BCKDHB: variants seen among roughly 807,000 people sequenced by gnomAD.
The protein encoded by BCKDHB is 2-oxoisovalerate dehydrogenase subunit beta, mitochondrial.
A neutral mutation model predicts 48.5 loss-of-function variants in BCKDHB; 41 were observed. The observed-to-expected ratio is 0.85, with a 90% CI of 0.66 to 1.10. The LOEUF is 1.10. Ranked by LOEUF, BCKDHB falls within the 50% of genes least tolerant of loss-of-function variation. BCKDHB has a pLI of 0.00. For synonymous variants in BCKDHB, 201 were observed against 174.8 expected (o/e 1.15, Z -1.18); for missense variants, 496 against 494.2 (o/e 1.00, Z -0.03).
At chr6:80,381,908 TAAAACCTAAAACCTA>T in the BCKDHB span, among the ~76,000 whole-genome samples, 7 of 152,070 alleles carry the variant, frequency 4.6e-5, no homozygotes, top group African/African-American at 1.7e-4. Flanking sequence ...AAAACCTGAT[TAAAACCTAAAACCTA>T]AAACGGTAAA....
intron 8 of BCKDHB, among the ~76,000 whole-genome samples, chr6:80,219,496 C>T (rs1314025769): frequency 2.0e-5 from 3 of 152,072 alleles, no homozygotes; most frequent in Admixed American, 6.5e-5. Context: ...CATAAGCCAC[C>T]GCACCCAGGG....
At chr6:80,409,745 C>T in the BCKDHB span, among the ~76,000 whole-genome samples, 2 of 150,654 alleles carry the variant, frequency 1.3e-5, no homozygotes, top group Non-Finnish European at 3.0e-5. Context: ...AGGATTGCAA[C>T]CCCTGCTGCT....
chr6:80,367,275 A>T, the BCKDHB span, among the ~76,000 whole-genome samples: 1 of 152,082 alleles, frequency 6.6e-6, no homozygotes, highest in South Asian at 2.1e-4. Flanking sequence ...GAAAAAATAA[A>T]ATTTTTAATT....
At chr6:80,152,819 C>T (rs1771856661) in intron 3 of BCKDHB, among the ~76,000 whole-genome samples, 1 of 152,182 alleles carries the variant, frequency 6.6e-6, no homozygotes, top group Non-Finnish European at 1.5e-5. Flanking sequence ...CTTTGTGGAT[C>T]ATCATGTCTG....
intron 9 of BCKDHB, among the ~76,000 whole-genome samples, chr6:80,327,252 G>T (rs1769078017): frequency 6.6e-6 from 1 of 152,150 alleles, no homozygotes; most frequent in Non-Finnish European, 1.5e-5. Flanking sequence ...TTAGCCTACA[G>T]TTGGGCAAAA....
chr6:80,244,115 C>T lies in BCKDHB; in HGVS notation c.952-29020C>T, dbSNP rs550850576. Among the ~76,000 whole-genome samples the T allele has an allele frequency of 2.0e-5, 3 of 152,164 alleles. No individual in the cohort carries two copies. In the South Asian group the frequency reaches 6.2e-4, roughly 32 times the overall value. On this transcript the variant is annotated intron_variant, in intron 8 of 9. Coordinates refer to ENST00000320393, the MANE Select transcript of BCKDHB (RefSeq NM_183050.4). Reference sequence around the variant, plus strand: ...CCACTGGGTTTTTAATGTTAGGAAACTGATTGGGAAACATGTTAAGTATTG... The same window carrying T: ...CCACTGGGTTTTTAATGTTAGGAAATTGATTGGGAAACATGTTAAGTATTG...
intron 9 of BCKDHB, among the ~76,000 whole-genome samples, chr6:80,322,652 A>T (rs1768797559): frequency 6.6e-6 from 1 of 152,162 alleles, no homozygotes; most frequent in South Asian, 2.1e-4. Context: ...AGCAAAATTA[A>T]TGGGAAGTAT....
the BCKDHB span, among the ~76,000 whole-genome samples, chr6:80,433,235 G>A: frequency 1.3e-5 from 2 of 152,100 alleles, no homozygotes; most frequent in Non-Finnish European, 2.9e-5. Flanking sequence ...AGGCGGGGAC[G>A]TATAAGTCTG....
At chr6:80,307,244 A>G (rs1767926372) in intron 9 of BCKDHB, among the ~76,000 whole-genome samples, 1 of 152,234 alleles carries the variant, frequency 6.6e-6, no homozygotes, top group South Asian at 2.1e-4. Flanking sequence ...ATGTATAAAT[A>G]TAAATCTCAA....
the BCKDHB span, among the ~76,000 whole-genome samples, chr6:80,364,400 G>T: frequency 6.6e-6 from 1 of 152,152 alleles, no homozygotes; most frequent in Non-Finnish European, 1.5e-5. Context: ...GCATTTGGCC[G>T]GGAGGGAGAG....
chr6:80,332,299 T>G (rs1453673947), intron 9 of BCKDHB, among the ~76,000 whole-genome samples: 1 of 152,352 alleles, frequency 6.6e-6, no homozygotes, highest in African/African-American at 2.4e-5. Context: ...ACTGCACTTG[T>G]ATTTACATTT....
intron 1 of BCKDHB, among the ~76,000 whole-genome samples, chr6:80,123,656 C>G (rs1770171619): frequency 6.6e-6 from 1 of 152,190 alleles, no homozygotes; most frequent in African/African-American, 2.4e-5. Flanking sequence ...TCCATTTCTT[C>G]TAGATTTTCT....
chr6:80,325,616 G>A (rs887208111), intron 9 of BCKDHB, among the ~76,000 whole-genome samples: 1 of 152,178 alleles, frequency 6.6e-6, no homozygotes, highest in Non-Finnish European at 1.5e-5. Context: ...TCCATTTGAT[G>A]GTGGTGATCA....
chr6:80,127,560 A>C lies in BCKDHB; in HGVS notation c.210A>C (p.Lys70Asn). ...TGATTTTCACAGGGCAAACTCAGAA[A>C]ATGAATCTTTTCCAGTCTGTAACAA... ...PEPREYGQTQ[K>N]MNLFQSVTSA... is the part of the protein sequence containing the mutation. The change falls in exon 2 of 10, where the codon AAA becomes AAC. Residue 70 changes from lysine to asparagine, a missense_variant. Coordinates refer to ENST00000320393, the MANE Select transcript of BCKDHB (RefSeq NM_183050.4). 1 of 1,613,376 alleles carries C rather than the reference A, an allele frequency of 6.2e-7. No homozygotes were observed. Among genetic ancestry groups the C allele is most frequent in the East Asian group, 2.2e-5 (1 of 44,826 alleles).
intron 8 of BCKDHB, among the ~76,000 whole-genome samples, chr6:80,239,677 C>G (rs1259280418): frequency 2.0e-5 from 3 of 152,150 alleles, no homozygotes; most frequent in Non-Finnish European, 4.4e-5. Flanking sequence ...AGTCCTTGCC[C>G]ATGCCTACGT....
the BCKDHB span, among the ~76,000 whole-genome samples, chr6:80,442,403 T>A: frequency 6.6e-6 from 1 of 152,170 alleles, no homozygotes; most frequent in Non-Finnish European, 1.5e-5. Flanking sequence ...TCATATCAGT[T>A]TTTTGTTTCT....
intron 1 of BCKDHB, among the ~76,000 whole-genome samples, chr6:80,117,199 G>T (rs908012327): frequency 3.3e-5 from 5 of 152,154 alleles, no homozygotes; most frequent in Non-Finnish European, 7.4e-5. Flanking sequence ...AAACTATTCA[G>T]GAGTGAAAGT....
chr6:80,321,610 C>T (rs574527651), intron 9 of BCKDHB, among the ~76,000 whole-genome samples: 9 of 152,168 alleles, frequency 5.9e-5, no homozygotes, highest in South Asian at 2.1e-4. Context: ...ACTTATTTTT[C>T]GTGAATCCAC....
chr6:80,461,640 A>G, the BCKDHB span, among the ~76,000 whole-genome samples: 10 of 152,072 alleles, frequency 6.6e-5, no homozygotes, highest in Non-Finnish European at 1.3e-4. Context: ...TAATCTCTCT[A>G]GCTTTAGTGT....
Sources: gnomAD v4.1 joint callset for allele counts (sites outside exome capture counted in the v4.1 genomes callset) on GRCh38, gnomAD v4.1.1 for gene constraint, MANE v1.5 for transcripts, NCBI Gene and HGNC (gene_info 2026-07-23, HGNC 2026-07-21) for gene names.